Variants in ZNF600 observed in about 807,000 individuals in gnomAD.
ZNF600 encodes zinc finger protein 600.
In ZNF600, 4 loss-of-function variants were observed where a neutral mutation model predicts 7.3. The ratio of observed to expected loss-of-function variants is 0.55; its 90% confidence interval spans 0.27 to 1.25. The LOEUF (loss-of-function observed/expected upper bound fraction) is 1.25, where lower values mean the gene tolerates loss of function less well. Among genes scored for constraint, ZNF600 ranks in the 50% most tolerant of loss-of-function variants. The probability of loss-of-function intolerance (pLI) is 0.12; values close to 1 mark genes in which losing one functional copy is unlikely to be tolerated. For synonymous variants in ZNF600, 290 were observed against 308.9 expected, an observed-to-expected ratio of 0.94 and a Z score of 0.64; for missense variants, 911 against 922.1, an observed-to-expected ratio of 0.99 and a Z score of 0.16.
chr19:52,786,018 C>G (rs1388055147), intron 1 of ZNF600, among the ~76,000 whole-genome samples: 2 of 152,140 alleles, frequency 1.3e-5, no homozygotes, highest in Non-Finnish European at 1.5e-5. Flanking sequence ...CTTCTTTTCT[C>G]TGTCTCTGGT....
At chr19:52,803,451 T>C in the ZNF600 span, among the ~76,000 whole-genome samples, 1 of 151,944 alleles carries the variant, frequency 6.6e-6, no homozygotes, top group African/African-American at 2.4e-5. Context: ...ACATATAAAG[T>C]CATAAAAATC....
chr19:52,767,690 T>G, exon 4 of ZNF600: 1 of 1,613,996 alleles, frequency 6.2e-7, no homozygotes, highest in Non-Finnish European at 8.5e-7. Flanking sequence ...TTTGATATCT[T>G]TGCAATGTCC....
the ZNF600 span, among the ~76,000 whole-genome samples, chr19:52,812,762 T>A: frequency 6.6e-3 from 499 of 75,318 alleles, no homozygotes; most frequent in Admixed American, 8.3e-3. Flanking sequence ...GAATGATCAA[T>A]AAAAAAAAAA....
chr19:52,776,012 A>G (rs2062671929), intron 2 of ZNF600, among the ~76,000 whole-genome samples: 1 of 150,920 alleles, frequency 6.6e-6, no homozygotes, highest in African/African-American at 2.5e-5. Flanking sequence ...ACTCCAAAAA[A>G]AAAAACCAAA....
chr19:52,797,515 T>C, the ZNF600 span: 2 of 152,238 alleles, frequency 1.3e-5, no homozygotes, highest in Admixed American at 6.5e-5. Flanking sequence ...TTCAGTGTAT[T>C]TGCAGAATAG....
At chr19:52,806,985 G>C in the ZNF600 span, among the ~76,000 whole-genome samples, 3 of 152,138 alleles carry the variant, frequency 2.0e-5, no homozygotes, top group Non-Finnish European at 4.4e-5. Context: ...GAGATGTGAG[G>C]ATTTAAACTT....
chr19:52,784,100 G>A (rs1471683528), intron 1 of ZNF600, among the ~76,000 whole-genome samples: 2 of 152,086 alleles, frequency 1.3e-5, no homozygotes, highest in Admixed American at 1.3e-4. Context: ...ATAATAATTA[G>A]TAGGTAGGCC....
chr19:52,817,759 G>A, the ZNF600 span, among the ~76,000 whole-genome samples: 1 of 152,086 alleles, frequency 6.6e-6, no homozygotes, highest in South Asian at 2.1e-4. Context: ...CCTCTCCCAT[G>A]TTCATGTCAC....
At chr19:52,780,808 A>T (rs1027855132) in intron 1 of ZNF600, 6 of 152,250 alleles carry the variant, frequency 3.9e-5, no homozygotes, top group Non-Finnish European at 8.8e-5. Flanking sequence ...GTTTCTCTTT[A>T]TATTATAAAT....
At chr19:52,798,441 C>G in the ZNF600 span, 1 of 432,068 alleles carries the variant, frequency 2.3e-6, no homozygotes, top group Non-Finnish European at 4.6e-6. Context: ...TTTGAAACAA[C>G]TGTCTCCAAA....
chr19:52,808,337 G>GAA, the ZNF600 span, among the ~76,000 whole-genome samples: 1 of 152,056 alleles, frequency 6.6e-6, no homozygotes, highest in Non-Finnish European at 1.5e-5. Flanking sequence ...CTAAGTTTGT[G>GAA]AAAAATTCAA....
chr19:52,818,108 G>C, the ZNF600 span: 8 of 1,376,802 alleles, frequency 5.8e-6, no homozygotes, highest in South Asian at 9.3e-5. Flanking sequence ...ACATACAAAG[G>C]AGACTTCACC....
chr19:52,816,635 C>G, the ZNF600 span, among the ~76,000 whole-genome samples: 85,199 of 134,140 alleles, frequency 0.64, 29,631 homozygotes, highest in Non-Finnish European at 0.73. Context: ...AAGCACTCCA[C>G]CCTGGGTGAC....
At chr19:52,782,638 C>T (rs905998687) in intron 1 of ZNF600, among the ~76,000 whole-genome samples, 1 of 152,124 alleles carries the variant, frequency 6.6e-6, no homozygotes, top group Non-Finnish European at 1.5e-5. Flanking sequence ...CTTCGGGAGG[C>T]CGAGGCGGGT....
At chr19:52,764,242 G>A (rs1305774878), downstream of ZNF600, 1 of 151,948 alleles carries the variant, frequency 6.6e-6, no homozygotes, top group Non-Finnish European at 1.5e-5. Context: ...GATGGAGACT[G>A]ACTCTACTGC....
Position 52,766,653 on chromosome 19 carries a change from C to T in ZNF600, c.1310G>A (p.Ser437Asn), listed in dbSNP as rs140695888. The change falls in exon 4 of 4, where the codon AGT becomes AAT. Residue 437 changes from serine to asparagine, a missense_variant. Transcript: ENST00000648973. ...ATGGCATACAAGGGATGACTTGTGA[C>T]TGAAGGTCTTGCCACACTCATTACA... 5 of 1,614,046 alleles carry T rather than the reference C, an allele frequency of 3.1e-6. No homozygotes were observed. In the African/African-American group the frequency reaches 5.3e-5, roughly 17 times the overall value.
chr19:52,791,392 T>C (rs1600410150), upstream of ZNF600, among the ~76,000 whole-genome samples: 1 of 152,204 alleles, frequency 6.6e-6, no homozygotes, highest in South Asian at 2.1e-4. Flanking sequence ...TGCAAGTGAA[T>C]GTGTCAGACA....
chr19:52,820,369 G>A, the ZNF600 span, among the ~76,000 whole-genome samples: 3 of 134,578 alleles, frequency 2.2e-5, 1 homozygote, highest in East Asian at 2.2e-4. Context: ...CACCCGCCTC[G>A]GCCTCCCAAA....
At chr19:52,813,788 G>A in the ZNF600 span, among the ~76,000 whole-genome samples, 1 of 146,630 alleles carries the variant, frequency 6.8e-6, no homozygotes, top group African/African-American at 2.6e-5. Flanking sequence ...TCCCCATGGG[G>A]AAATGCACTA....
Sources: gnomAD v4.1 joint callset for allele counts (sites outside exome capture counted in the v4.1 genomes callset) on GRCh38, gnomAD v4.1.1 for gene constraint, MANE v1.5 for transcripts, NCBI Gene and HGNC (gene_info 2026-07-23, HGNC 2026-07-21) for gene names.